The following GRIP1 variants were observed in gnomAD, a reference collection of about 807,000 sequenced individuals.
GRIP1 encodes glutamate receptor-interacting protein 1.
In GRIP1, 45 loss-of-function variants were observed where a neutral mutation model predicts 129.9. The observed-to-expected ratio is 0.35, with a 90% CI of 0.27 to 0.44. The LOEUF (loss-of-function observed/expected upper bound fraction) is 0.44, where lower values mean the gene tolerates loss of function less well. Ranked by LOEUF, GRIP1 falls within the 20% of genes least tolerant of loss-of-function variation. GRIP1 has a pLI of 1.00. For synonymous variants in GRIP1, 530 were observed against 520.8 expected, an observed-to-expected ratio of 1.02 and a Z score of -0.24; for missense variants, 1,196 against 1,396.8, an observed-to-expected ratio of 0.86 and a Z score of 2.29.
chr12:67,025,405 TG>T (rs2042928026), intron 1 of GRIP1, among the ~76,000 whole-genome samples: 1 of 151,384 alleles, frequency 6.6e-6, no homozygotes. Flanking sequence ...ACACAGCCTA[TG>T]AAAAAAACTG....
intron 1 of GRIP1, among the ~76,000 whole-genome samples, chr12:66,954,946 G>T (rs1232230399): frequency 2.0e-5 from 3 of 152,294 alleles, no homozygotes; most frequent in Admixed American, 6.5e-5. Context: ...TGCAAAGAGG[G>T]TGGCCGCAGA....
upstream of GRIP1, among the ~76,000 whole-genome samples, chr12:66,683,159 C>T (rs1387452701): frequency 6.6e-6 from 1 of 152,026 alleles, no homozygotes; most frequent in Non-Finnish European, 1.5e-5. Flanking sequence ...GACTCTCACC[C>T]ACTTTTTCAT....
chr12:66,807,213 C>T (rs1204766875), upstream of GRIP1, among the ~76,000 whole-genome samples: 1 of 152,058 alleles, frequency 6.6e-6, no homozygotes, highest in Non-Finnish European at 1.5e-5. Context: ...ATATCTGTGT[C>T]CCCACCAAAT....
intron 1 of GRIP1, among the ~76,000 whole-genome samples, chr12:66,826,359 G>T (rs908528931): frequency 6.6e-6 from 1 of 151,968 alleles, no homozygotes; most frequent in Non-Finnish European, 1.5e-5. Context: ...GTAGATGACG[G>T]GTTGATGGGT....
chr12:66,883,655 G>A (rs894450764), intron 1 of GRIP1, among the ~76,000 whole-genome samples: 24 of 152,144 alleles, frequency 1.6e-4, no homozygotes, highest in Admixed American at 1.3e-3. Context: ...TATAGTTAGG[G>A]TGAACATACG....
intron 16 of GRIP1, among the ~76,000 whole-genome samples, chr12:66,394,619 C>A (rs552932421): frequency 6.6e-6 from 1 of 152,292 alleles, no homozygotes; most frequent in Non-Finnish European, 1.5e-5. Flanking sequence ...GCTGCAGGAC[C>A]TTTCAACTGT....
chr12:66,708,507 G>A (rs1206625227), intron 1 of GRIP1, among the ~76,000 whole-genome samples: 2 of 151,534 alleles, frequency 1.3e-5, no homozygotes, highest in African/African-American at 2.4e-5. Flanking sequence ...TTCTTAGTTC[G>A]GGCCTAGGTA....
rs192121777 is a variant in GRIP1, at chr12:66,978,936, G to T, written c.58+90114C>A. 2.0e-4 allele frequency among the ~76,000 whole-genome samples: 30 copies of T among 151,814 alleles called. No homozygotes were observed. In the East Asian group the frequency reaches 3.5e-3, roughly 18 times the overall value. On this transcript the variant is annotated intron_variant, in intron 1 of 1. Coordinates refer to the GRIP1 transcript ENST00000643019. ...CACAGAGACAAATGGCAAAGTGGTA[G>T]ACCGTGACACAGCCACAACCCAAGC...
chr12:66,952,865 CAT>C (rs2041779736), intron 1 of GRIP1, among the ~76,000 whole-genome samples: 1 of 152,124 alleles, frequency 6.6e-6, no homozygotes, highest in Admixed American at 6.5e-5. Context: ...GATGAGTAAA[CAT>C]ATTCTGTTTT....
At chr12:66,567,699 A>C (rs1024775973) in intron 2 of GRIP1, 2 of 219,630 alleles carry the variant, frequency 9.1e-6, no homozygotes, top group Admixed American at 4.1e-5. Context: ...TTTTGCATAC[A>C]TTACACCATT....
intron 1 of GRIP1, among the ~76,000 whole-genome samples, chr12:67,040,116 C>G (rs1169049583): frequency 6.6e-6 from 1 of 152,152 alleles, no homozygotes; most frequent in African/African-American, 2.4e-5. Flanking sequence ...GGTAAGACCA[C>G]AAAGGCCTCT....
At chr12:66,976,456 T>A (rs1308155235) in intron 1 of GRIP1, among the ~76,000 whole-genome samples, 1 of 152,350 alleles carries the variant, frequency 6.6e-6, no homozygotes, top group Non-Finnish European at 1.5e-5. Context: ...TTACTGTGTG[T>A]GTATTTACAC....
chr12:66,769,100 G>A (rs141118571), intron 1 of GRIP1, among the ~76,000 whole-genome samples: 35 of 152,360 alleles, frequency 2.3e-4, no homozygotes, highest in East Asian at 9.6e-4. Flanking sequence ...AGTTTCTGAC[G>A]CAGTAGGTTT....
At chr12:66,662,223 A>G (rs2033553558) in intron 1 of GRIP1, among the ~76,000 whole-genome samples, 1 of 152,072 alleles carries the variant, frequency 6.6e-6, no homozygotes, top group Admixed American at 6.6e-5. Flanking sequence ...ACTGTGGCTA[A>G]TATCTATTAA....
At chr12:66,758,518 C>A (rs1026070766) in intron 1 of GRIP1, among the ~76,000 whole-genome samples, 1 of 152,140 alleles carries the variant, frequency 6.6e-6, no homozygotes, top group Admixed American at 6.5e-5. Context: ...ATTTCAAAAC[C>A]AATCATGCTT....
chr12:66,605,342 T>C (rs531218586), intron 1 of GRIP1, among the ~76,000 whole-genome samples: 1 of 152,328 alleles, frequency 6.6e-6, no homozygotes, highest in South Asian at 2.1e-4. Flanking sequence ...GGGAGCTTTC[T>C]GTTAAATCAG....
At chr12:66,950,306 C>CGTACAATTTACAATTGTA (rs1214597848) in intron 1 of GRIP1, among the ~76,000 whole-genome samples, 4 of 152,110 alleles carry the variant, frequency 2.6e-5, no homozygotes, top group Admixed American at 1.3e-4. Flanking sequence ...TTTATACTAA[C>CGTACAATTTACAATTGTA]GTACAATTTA....
Position 66,445,395 on chromosome 12 carries a change from T to C in GRIP1, c.1468A>G (p.Ser490Gly), listed in dbSNP as rs1417113370. 1.5e-5 allele frequency: 25 copies of C among 1,614,076 alleles called. No homozygotes were observed. Among genetic ancestry groups the C allele is most frequent in the Non-Finnish European group, 2.1e-5 (25 of 1,179,996 alleles). ...GAGAGAGTTTCTGTGGCAAACACAC[T>C]GCCCTGCAGTTGGATCCCAAATCCT... ...VTGFGIQLQGSVFATETLSSP... is the reference protein window; with the variant it reads ...VTGFGIQLQGGVFATETLSSP... Residue 490 changes from serine (S) to glycine (G), a missense_variant, in exon 12 of 25, where the codon AGT becomes GGT. Around this residue, in one of 5 missense-constraint regions of GRIP1, gnomAD observed 508 missense variants for 587.0 expected, o/e 0.87. Coordinates refer to ENST00000359742, the MANE Select transcript of GRIP1 (RefSeq NM_001366722.1).
rs182992496 is a variant in GRIP1, at chr12:66,578,560, T to C, written c.136+18287A>G. On this transcript the variant is annotated intron_variant, in intron 2 of 24. Transcript: ENST00000359742. Reference sequence around the variant, plus strand: ...AATCGGGTCACTCCCACCCAAATACTGCGCTTTTCCAAAGGGCTTAAAAAA... The same window carrying C: ...AATCGGGTCACTCCCACCCAAATACCGCGCTTTTCCAAAGGGCTTAAAAAA... Among the ~76,000 whole-genome samples, 409 of 152,288 alleles carry C rather than the reference T, an allele frequency of 2.7e-3. 4 individuals carry two copies. The highest frequency in any genetic ancestry group is 8.9e-3 in the African/African-American group (369 of 41,582).
Sources: gnomAD v4.1 joint callset for allele counts (sites outside exome capture counted in the v4.1 genomes callset) on GRCh38, gnomAD v4.1.1 for gene constraint, gnomAD v4.1.1 regional missense constraint, MANE v1.5 for transcripts, NCBI Gene and HGNC (gene_info 2026-07-23, HGNC 2026-07-21) for gene names.